Variants in SETD1A observed in about 807,000 individuals in gnomAD.
SETD1A encodes the protein SET domain containing 1A, histone lysine methyltransferase, also known as histone-lysine N-methyltransferase SETD1A.
Under a neutral mutation model 149.9 loss-of-function variants are expected in SETD1A, and 29 were observed. The observed-to-expected ratio is 0.19, with a 90% CI of 0.14 to 0.26. SETD1A has a LOEUF of 0.26. Among genes scored for constraint, SETD1A ranks in the 10% least tolerant of loss-of-function variants. The probability of loss-of-function intolerance (pLI) is 1.00; values close to 1 mark genes in which losing one functional copy is unlikely to be tolerated. For synonymous variants in SETD1A, 1,141 were observed against 968.5 expected (o/e 1.18, Z -3.31); for missense variants, 2,109 against 2,353.1 (o/e 0.90, Z 2.15).
Position 30,979,976 on chromosome 16 carries a change from A to G in SETD1A, c.4190A>G (p.His1397Arg). Residue 1397 changes from histidine (H) to arginine (R), a missense_variant, in exon 14 of 19, where the codon CAC (histidine) becomes CGC (arginine). By Grantham distance (29) the His-to-Arg change is conservative. Around this residue, in one of 8 missense-constraint regions of SETD1A, gnomAD observed 832 missense variants for 815.6 expected, o/e 1.02. Transcript: ENST00000262519. ...GALRRRSLRS[H>R]ARRRRPPPPP... ...CTCCGGAGGCGCAGCCTCCGCTCCC[A>G]CGCCCGGCGCCGCCGCCCTCCGCCC... is the stretch of plus-strand genomic sequence containing the variant. 6.6e-7 allele frequency: 1 copy of G among 1,512,748 alleles called. No homozygotes were observed. Among genetic ancestry groups the G allele is most frequent in the Non-Finnish European group, 8.8e-7 (1 of 1,134,658 alleles). 93.7% of individuals were successfully genotyped at this position (1,512,748 alleles called of 1,614,324 possible).
At position 30,964,265 on chromosome 16, in the gene SETD1A, A is replaced by C. The variant is rs142327941; in HGVS notation, c.811A>C (p.Thr271Pro). The change falls in exon 6 of 19, where the codon ACC becomes CCC. Residue 271 changes from threonine to proline, a missense_variant. Physicochemically the swap from Thr to Pro is conservative, Grantham distance 38. Coordinates refer to ENST00000262519, the MANE Select transcript of SETD1A (RefSeq NM_014712.3). ...GQFTPQSSQGTPYTSRGSTPY... is the reference protein window; with the variant it reads ...GQFTPQSSQGPPYTSRGSTPY... ...GTTCACACCTCAGTCCTCCCAAGGA[A>C]CCCCCTACACGTCTCGGGGCAGCAC... 5 of 1,612,454 alleles carry C rather than the reference A, an allele frequency of 3.1e-6. No homozygotes were observed. The East Asian group carries it at 1.1e-4, about 36-fold the overall frequency.
intron 13 of SETD1A, among the ~76,000 whole-genome samples, chr16:30,973,297 G>A (rs2056246877): frequency 6.6e-6 from 1 of 152,154 alleles, no homozygotes; most frequent in Non-Finnish European, 1.5e-5. Flanking sequence ...GTGGATGTAG[G>A]GCGCTTCTTA....
rs1440709772 is a variant in SETD1A, at chr16:30,983,609, C to T, written c.4813-26C>T. 6.2e-7 allele frequency: 1 copy of T among 1,605,514 alleles called. No homozygotes were observed. Among genetic ancestry groups the T allele is most frequent in the South Asian group, 1.1e-5 (1 of 89,358 alleles). On this transcript the variant is annotated intron_variant, in intron 17 of 18. Transcript: ENST00000262519. This position sits in a 1 kb window ranked among gnomAD's most constrained non-coding sequence, Gnocchi z 6.8. ...GGGGCAGGAAGTGGGGGACTCTTCCCTGACCATCGCATCTCACCCTGGCAG... is the reference window on the plus strand; with the variant it reads ...GGGGCAGGAAGTGGGGGACTCTTCCTTGACCATCGCATCTCACCCTGGCAG...
Position 30,964,735 on chromosome 16 carries a change from T to C in SETD1A, c.993T>C (p.Thr331=). The C allele has an allele frequency of 6.2e-7, 1 of 1,614,204 alleles. No individual in the cohort carries two copies. The highest frequency in any genetic ancestry group is 8.5e-7 in the Non-Finnish European group (1 of 1,180,046). The change falls in exon 7 of 19, where the codon ACT becomes ACC. Residue 331 remains threonine (T), a synonymous_variant. Coordinates refer to ENST00000262519, the MANE Select transcript of SETD1A (RefSeq NM_014712.3). ...CCTCCACGGCCATCGCCGCCACCAC[T>C]GCAGCCACTGCCTCATCCTCCGCCT... ...TTASTAIAAT[T]AATASSSASS...
Position 30,965,646 on chromosome 16 carries a change from G to A in SETD1A, c.1765G>A (p.Asp589Asn), listed in dbSNP as rs756607019. 1.2e-6 allele frequency: 2 copies of A among 1,609,348 alleles called. No homozygotes were observed. Among genetic ancestry groups the A allele is most frequent in the South Asian group, 1.1e-5 (1 of 90,778 alleles). The change falls in exon 8 of 19, where the codon GAC becomes AAC. Residue 589 changes from aspartate to asparagine, a missense_variant. Physicochemically the swap from Asp to Asn is conservative, Grantham distance 23. Transcript: ENST00000262519. ...SGDDMEISDDDRGGSPPPAPT... is the reference protein window; with the variant it reads ...SGDDMEISDDNRGGSPPPAPT... ...AGACGACATGGAGATCTCCGACGAC[G>A]ACCGGGGTGGCTCACCCCCTCCGGC...
chr16:30,966,844 G>A, intron 8 of SETD1A, 40 bp from the exon 9 acceptor site: 2 of 1,502,668 alleles, frequency 1.3e-6, no homozygotes, highest in Non-Finnish European at 1.8e-6. Context: ...GGAATGCCTG[G>A]GTTCTGGGCG....
chr16:30,972,389 C>A (rs1319000124), intron 13 of SETD1A, among the ~76,000 whole-genome samples: 3 of 152,202 alleles, frequency 2.0e-5, no homozygotes, highest in African/African-American at 4.8e-5. Flanking sequence ...GTAATCCCAG[C>A]ACTTTGGGAG....
chr16:30,979,187 C>G lies in SETD1A; in HGVS notation c.3401C>G (p.Pro1134Arg), dbSNP rs1261769587. The G allele has an allele frequency of 6.3e-7, 1 of 1,590,574 alleles. No individual in the cohort carries two copies. Reference sequence around the variant, plus strand: ...CCCCCCAGTGCGCCTCTGCGTCCCCCAGAACCACCTGCTGGGCCCCCGGCC... The same window carrying G: ...CCCCCCAGTGCGCCTCTGCGTCCCCGAGAACCACCTGCTGGGCCCCCGGCC... ...ESPPSAPLRP[P>R]EPPAGPPAPA... The change falls in exon 14 of 19, where the codon CCA (proline) becomes CGA (arginine). Residue 1134 changes from proline to arginine, a missense_variant. Transcript: ENST00000262519.
In SETD1A at chr16:30,980,951, A is replaced by T; in HGVS notation, c.4692+102A>T. 1.9e-6 allele frequency: 3 copies of T among 1,571,644 alleles called. No individual in the cohort carries two copies. The highest frequency in any genetic ancestry group is 2.6e-6 in the Non-Finnish European group (3 of 1,152,066). ...AGGCTCCTGTGGTTCCCTCGGGTGGAGTTGGGGGGTAAGCAGCCAGAACAC... is the reference window on the plus strand; with the variant it reads ...AGGCTCCTGTGGTTCCCTCGGGTGGTGTTGGGGGGTAAGCAGCCAGAACAC... On this transcript the variant is annotated intron_variant, in intron 16 of 18. Coordinates refer to ENST00000262519, the MANE Select transcript of SETD1A (RefSeq NM_014712.3). The surrounding 1 kb of genome is among the most constrained non-coding windows in gnomAD (Gnocchi z 7.7).
chr16:30,974,924 C>T (rs546520315), intron 13 of SETD1A, among the ~76,000 whole-genome samples: 3 of 152,130 alleles, frequency 2.0e-5, no homozygotes, highest in East Asian at 1.9e-4. Context: ...GGGCAGATCA[C>T]GAGGTCAAGA....
At chr16:30,968,521 G>A (rs180948920) in intron 10 of SETD1A, among the ~76,000 whole-genome samples, 2 of 150,634 alleles carry the variant, frequency 1.3e-5, no homozygotes, top group East Asian at 3.9e-4. Context: ...TATATATTAA[G>A]GCCAGGCAGG....
In SETD1A at chr16:30,963,326, A is replaced by T. The variant is rs1243248482; in HGVS notation, c.518-107A>T. 3 of 1,117,914 alleles carry T rather than the reference A, an allele frequency of 2.7e-6. No individual in the cohort carries two copies. The African/African-American group carries it at 4.8e-5, about 18-fold the overall frequency. 69.2% of individuals were successfully genotyped at this position (1,117,914 alleles called of 1,614,324 possible). A position where few individuals can be genotyped will look rare whatever the true frequency, so the allele number is the denominator to read the frequency against. On this transcript the variant is annotated intron_variant, in intron 4 of 18. Coordinates refer to ENST00000262519, the MANE Select transcript of SETD1A (RefSeq NM_014712.3). The stretch of plus-strand genomic sequence containing the variant: ...GGAGAACTGAAATCCTGAAACCCAG[A>T]TTCCAAGAAATTGTAGGAAACTTGA...
At position 30,961,872 on chromosome 16, in the gene SETD1A, A is replaced by G. The variant is rs1009080343; in HGVS notation, c.517+335A>G. Among the ~76,000 whole-genome samples, 1 of 150,692 alleles carries G rather than the reference A, an allele frequency of 6.6e-6. No homozygotes were observed. The highest frequency in any genetic ancestry group is 1.5e-5 in the Non-Finnish European group (1 of 67,086). ...TGGTTGCTTGGTTGGTTTTTGAGAC[A>G]GGATCCTGCTCTGTCACCTAGGCTG... On this transcript the variant is annotated intron_variant, in intron 4 of 18. Transcript: ENST00000262519. This position sits in a 1 kb window ranked among gnomAD's most constrained non-coding sequence, Gnocchi z 4.0.
chr16:30,965,892 G>T lies in SETD1A; in HGVS notation c.2011G>T (p.Ala671Ser), dbSNP rs749293971. The change falls in exon 8 of 19, where the codon GCT becomes TCT. Residue 671 changes from alanine to serine, a missense_variant. Coordinates refer to ENST00000262519, the MANE Select transcript of SETD1A (RefSeq NM_014712.3). ...NSLELMDRLGAQWGGMPMSFQ... is the reference protein window; with the variant it reads ...NSLELMDRLGSQWGGMPMSFQ... ...CTTGGAGCTCATGGACCGACTTGGG[G>T]CTCAGTGGGGAGGGATGCCCATGTC... 5.0e-6 allele frequency: 8 copies of T among 1,613,260 alleles called. No individual in the cohort carries two copies. The African/African-American group carries it at 1.1e-4, about 22-fold the overall frequency.
rs763712039 is a variant in SETD1A at position 30,969,582 on chromosome 16, C to T, written c.2929-20C>T. 3.7e-6 allele frequency: 6 copies of T among 1,611,826 alleles called. No individual in the cohort carries two copies. In the Admixed American group the frequency reaches 6.7e-5, roughly 18 times the overall value. ...CAGTTGTCCCCTTCCTGTTAGTCCT[C>T]ATTTGTCTTTTTTCTTAAGGATGAG... is the stretch of plus-strand genomic sequence containing the variant. On this transcript the variant is annotated intron_variant, in intron 11 of 18. Transcript: ENST00000262519.
chr16:30,972,953 G>A (rs997199638), intron 13 of SETD1A, among the ~76,000 whole-genome samples: 1 of 152,218 alleles, frequency 6.6e-6, no homozygotes, highest in African/African-American at 2.4e-5. Context: ...CACATCTGCA[G>A]GAGGAGGAAG....
chr16:30,971,771 A>G (rs753555187), intron 13 of SETD1A, 52 bp downstream of exon 13: 7 of 1,506,698 alleles, frequency 4.6e-6, no homozygotes, highest in Non-Finnish European at 6.2e-6. Flanking sequence ...AGAGAGAGAG[A>G]GAAAACAGTG....
Position 30,967,717 on chromosome 16 carries a change from G to A in SETD1A, c.2770+129G>A, listed in dbSNP as rs952068318. On this transcript the variant is annotated intron_variant, in intron 10 of 18. Transcript: ENST00000262519. ...GGTGGAGGTGCAGGGTTGAAATGCA[G>A]CAGTTCTGAGAGGTATGGGATGCAC... 7 of 733,566 alleles carry A rather than the reference G, an allele frequency of 9.5e-6. No homozygotes were observed. The African/African-American group carries it at 1.2e-4, about 13-fold the overall frequency. 45.4% of individuals were successfully genotyped at this position (733,566 alleles called of 1,614,324 possible). A position where few individuals can be genotyped will look rare whatever the true frequency, so the allele number is the denominator to read the frequency against.
chr16:30,973,578 C>T lies in SETD1A; in HGVS notation c.3358+1859C>T, dbSNP rs117049486. Among the ~76,000 whole-genome samples the T allele has an allele frequency of 3.0e-4, 46 of 152,212 alleles. 1 individual carries two copies. The highest frequency in any genetic ancestry group is 1.5e-3 in the Admixed American group (23 of 15,268). ...ATCGAGGCACGAGAATCGCTTGAAC[C>T]CGGGAGGTGGATGTTGCAGTGAGCA... On this transcript the variant is annotated intron_variant, in intron 13 of 18. Transcript: ENST00000262519.
Sources: gnomAD v4.1 joint callset for allele counts (sites outside exome capture counted in the v4.1 genomes callset) on GRCh38, gnomAD v4.1.1 for gene constraint, gnomAD v4.1.1 regional missense constraint, Gnocchi (gnomAD v3.1) non-coding constraint, MANE v1.5 for transcripts, NCBI Gene and HGNC (gene_info 2026-07-23, HGNC 2026-07-21) for gene names.